The following PRKAG2 variants were observed in gnomAD, a reference collection of about 807,000 sequenced individuals.
PRKAG2 encodes 5'-AMP-activated protein kinase subunit gamma-2.
A neutral mutation model predicts 69.6 loss-of-function variants in PRKAG2; 26 were observed. The ratio of observed to expected loss-of-function variants is 0.37; its 90% CI spans 0.27 to 0.52. The LOEUF (loss-of-function observed/expected upper bound fraction) is 0.52, where lower values mean the gene tolerates loss of function less well. PRKAG2 is among the 20% of genes least tolerant of loss of function. The pLI is 0.90. For missense variants in PRKAG2, 557 were observed against 740.0 expected (o/e 0.75, Z 2.87); for synonymous variants, 293 against 285.0 (o/e 1.03, Z -0.28).
intron 3 of PRKAG2, among the ~76,000 whole-genome samples, chr7:151,685,092 C>A (rs1834519434): frequency 6.6e-6 from 1 of 152,196 alleles, no homozygotes; most frequent in Non-Finnish European, 1.5e-5. Context: ...ATACCCTACA[C>A]AGAGCGGGCC....
intron 1 of PRKAG2, among the ~76,000 whole-genome samples, chr7:151,798,704 C>T (rs1234586392): frequency 2.0e-5 from 3 of 152,186 alleles, no homozygotes; most frequent in African/African-American, 7.2e-5. Flanking sequence ...AGGTAGATTT[C>T]AGGGAACAGA....
At chr7:151,715,378 C>A (rs1337117957) in intron 3 of PRKAG2, among the ~76,000 whole-genome samples, 1 of 142,844 alleles carries the variant, frequency 7.0e-6, no homozygotes, top group Non-Finnish European at 1.5e-5. Flanking sequence ...GACAGAGTTC[C>A]TGTCTGTTGC....
At chr7:151,856,876 G>A (rs546254266) in intron 1 of PRKAG2, among the ~76,000 whole-genome samples, 1 of 152,188 alleles carries the variant, frequency 6.6e-6, no homozygotes, top group East Asian at 1.9e-4. Flanking sequence ...AGAAGATACA[G>A]GACAGCAGGC....
chr7:151,694,154 G>A (rs970092793), intron 3 of PRKAG2, among the ~76,000 whole-genome samples: 4 of 152,194 alleles, frequency 2.6e-5, no homozygotes, highest in Non-Finnish European at 4.4e-5. Context: ...GATTACAGGC[G>A]TGAGCCACAG....
chr7:151,624,344 T>C (rs990048367), intron 5 of PRKAG2, among the ~76,000 whole-genome samples: 7 of 151,756 alleles, frequency 4.6e-5, no homozygotes, highest in Non-Finnish European at 7.4e-5. Context: ...AGAGAGAGGG[T>C]TTCGCCATGT....
At chr7:151,759,041 A>G (rs1335481410) in intron 3 of PRKAG2, among the ~76,000 whole-genome samples, 1 of 152,080 alleles carries the variant, frequency 6.6e-6, no homozygotes, top group Non-Finnish European at 1.5e-5. Context: ...TCGACATCCG[A>G]TGGCTTTCTG....
chr7:151,712,271 G>T (rs536071880), intron 3 of PRKAG2, among the ~76,000 whole-genome samples: 2 of 152,314 alleles, frequency 1.3e-5, no homozygotes, highest in South Asian at 2.1e-4. Context: ...CACCCGGGAA[G>T]GACGCTCTGC....
chr7:151,690,383 C>A (rs1351624673), intron 3 of PRKAG2, among the ~76,000 whole-genome samples: 1 of 152,166 alleles, frequency 6.6e-6, no homozygotes, highest in African/African-American at 2.4e-5. Context: ...CTTCCAGATA[C>A]CTCATCTACT....
intron 1 of PRKAG2, among the ~76,000 whole-genome samples, chr7:151,816,348 G>A (rs1049911000): frequency 7.9e-5 from 12 of 151,238 alleles, no homozygotes; most frequent in Admixed American, 6.6e-4. Flanking sequence ...TTTTTTGTCC[G>A]TAGAATGAGC....
At chr7:151,675,355 G>C (rs763354659) in intron 4 of PRKAG2, 65 bp downstream of exon 4, 1 of 1,477,206 alleles carries the variant, frequency 6.8e-7, no homozygotes, top group Non-Finnish European at 9.4e-7. Context: ...TCAGCTTGGG[G>C]CAATAACTGC....
At chr7:151,730,483 T>C (rs190046068) in intron 3 of PRKAG2, among the ~76,000 whole-genome samples, 45 of 152,294 alleles carry the variant, frequency 3.0e-4, no homozygotes, top group African/African-American at 8.4e-4. Context: ...CTGGGCAACA[T>C]AGGGAAACCC....
rs186794723 is a variant in PRKAG2 at position 151,774,470 on chromosome 7, A to T, written c.466+6682T>A. On this transcript the variant is annotated intron_variant, in intron 3 of 15. Coordinates refer to ENST00000287878, the MANE Select transcript of PRKAG2 (RefSeq NM_016203.4). ...TTCTCCCTCTGAAATGACAGTGATC[A>T]TAATTTTCATCTTCCTGCTTTCTTT... Among the ~76,000 whole-genome samples, 55 of 152,302 alleles carry T rather than the reference A, an allele frequency of 3.6e-4. No homozygotes were observed. The East Asian group carries it at 4.0e-3, about 11-fold the overall frequency.
At chr7:151,764,701 C>G (rs1370261037) in intron 3 of PRKAG2, among the ~76,000 whole-genome samples, 1 of 152,254 alleles carries the variant, frequency 6.6e-6, no homozygotes, top group African/African-American at 2.4e-5. Context: ...AACCATGCTC[C>G]CAGGAGCAAG....
chr7:151,667,662 C>T (rs1263947413), intron 4 of PRKAG2, among the ~76,000 whole-genome samples: 2 of 152,188 alleles, frequency 1.3e-5, no homozygotes, highest in African/African-American at 4.8e-5. Flanking sequence ...GAGCCTAGGC[C>T]TCAAGGGACC....
chr7:151,876,340 C>T (rs997981802), intron 1 of PRKAG2, among the ~76,000 whole-genome samples, 167 bp downstream of exon 1: 1 of 152,060 alleles, frequency 6.6e-6, no homozygotes, highest in Non-Finnish European at 1.5e-5. Flanking sequence ...AGCCCCGGCT[C>T]CGCCAGCCCA....
intron 6 of PRKAG2, among the ~76,000 whole-genome samples, chr7:151,576,720 C>T (rs1226123027): frequency 3.3e-5 from 5 of 152,108 alleles, no homozygotes; most frequent in African/African-American, 9.7e-5. Context: ...AAGCTCGTCT[C>T]GAACTCCTGA....
chr7:151,832,491 G>C (rs2079057522), intron 1 of PRKAG2, among the ~76,000 whole-genome samples: 1 of 151,920 alleles, frequency 6.6e-6, no homozygotes, highest in Non-Finnish European at 1.5e-5. Flanking sequence ...AGGTCCACGA[G>C]AAAGGGAGGA....
At chr7:151,701,716 C>T (rs1837719221) in intron 3 of PRKAG2, among the ~76,000 whole-genome samples, 1 of 151,836 alleles carries the variant, frequency 6.6e-6, no homozygotes, top group Admixed American at 6.6e-5. Context: ...GTGGTGGGCA[C>T]CTGTAGTCCC....
chr7:151,758,778 C>T (rs1034944699), intron 3 of PRKAG2, among the ~76,000 whole-genome samples: 1 of 152,192 alleles, frequency 6.6e-6, no homozygotes, highest in Non-Finnish European at 1.5e-5. Flanking sequence ...GAAGTTATCA[C>T]GAGAGAACAC....
Sources: allele counts gnomAD v4.1 joint callset (sites outside exome capture counted in the v4.1 genomes callset), GRCh38; gene constraint gnomAD v4.1.1; transcripts MANE v1.5; gene names NCBI Gene and HGNC (gene_info 2026-07-23, HGNC 2026-07-21).